The following TANC2 variants were observed in gnomAD, a reference collection of about 807,000 sequenced individuals.
TANC2 encodes the protein protein TANC2.
A neutral mutation model predicts 210.5 loss-of-function variants in TANC2; 26 were observed. The observed-to-expected ratio is 0.12, with a 90% confidence interval of 0.09 to 0.17. TANC2 has a LOEUF of 0.17. Ranked by LOEUF, TANC2 falls within the 10% of genes least tolerant of loss-of-function variation. TANC2 has a pLI of 1.00. For missense variants in TANC2, 2,129 were observed against 2,608.9 expected, an observed-to-expected ratio of 0.82 and a Z score of 4.01; for synonymous variants, 931 against 967.1, an observed-to-expected ratio of 0.96 and a Z score of 0.69.
chr17:63,344,497 A>G (rs2046337704), intron 12 of TANC2, among the ~76,000 whole-genome samples: 1 of 152,214 alleles, frequency 6.6e-6, no homozygotes, highest in Non-Finnish European at 1.5e-5. Flanking sequence ...AGGCTAGTAC[A>G]ATAAGAAAAT....
At chr17:63,143,421 T>C (rs975802203) in intron 4 of TANC2, among the ~76,000 whole-genome samples, 5 of 152,210 alleles carry the variant, frequency 3.3e-5, no homozygotes, top group African/African-American at 1.2e-4. Flanking sequence ...AATAGGAATG[T>C]CATAATTATT....
intron 12 of TANC2, among the ~76,000 whole-genome samples, chr17:63,345,639 A>T (rs568093873): frequency 1.4e-5 from 2 of 147,740 alleles, no homozygotes; most frequent in South Asian, 4.3e-4. Flanking sequence ...AAAAAAAAAA[A>T]CACATAATCC....
At position 63,238,020 on chromosome 17, in the gene TANC2, T is replaced by C. The variant is rs2042669987; in HGVS notation, c.976T>C (p.Ser326Pro). 1 of 1,559,816 alleles carries C rather than the reference T, an allele frequency of 6.4e-7. No homozygotes were observed. The highest frequency in any genetic ancestry group is 1.4e-5 in the African/African-American group (1 of 73,588). Reference sequence around the variant, plus strand: ...AGAGAGAAATTTGGAAACAGTGTTATCTCAATCAGTACAGTCTATTCCTTT... The same window carrying C: ...AGAGAGAAATTTGGAAACAGTGTTACCTCAATCAGTACAGTCTATTCCTTT... Residue 326 changes from serine (S) to proline (P), a missense_variant, in exon 8 of 28, where the codon TCT becomes CCT. Transcript: ENST00000689528.
intron 5 of TANC2, among the ~76,000 whole-genome samples, chr17:63,181,137 T>A (rs2040771624): frequency 6.6e-6 from 1 of 152,014 alleles, no homozygotes; most frequent in Non-Finnish European, 1.5e-5. Context: ...AGCCGCCTCT[T>A]CTTTCTGCTT....
intron 1 of TANC2, chr17:63,004,786 C>A: frequency 2.9e-6 from 1 of 349,326 alleles, no homozygotes. Flanking sequence ...GGGTTATTCC[C>A]CTTACCCGCT....
Position 63,314,512 on chromosome 17 carries a change from A to T in TANC2, c.1284A>T (p.Gln428His), listed in dbSNP as rs776036126. ...GGGTTTTCCACGAAATAGATGCTCA[A>T]CTTCAAAGTTCAAATGCCAGCGTGA... Residue 428 changes from glutamine to histidine, a missense_variant, in exon 10 of 28, where the codon CAA becomes CAT. Physicochemically the swap from Gln to His is conservative, Grantham distance 24. Coordinates refer to ENST00000689528, the Ensembl canonical transcript of TANC2. The T allele has an allele frequency of 3.1e-6, 5 of 1,613,932 alleles. No individual in the cohort carries two copies. In the East Asian group the frequency reaches 8.9e-5, roughly 29 times the overall value.
chr17:63,171,494 C>G (rs998922973), intron 5 of TANC2, among the ~76,000 whole-genome samples: 1 of 152,074 alleles, frequency 6.6e-6, no homozygotes, highest in Non-Finnish European at 1.5e-5. Context: ...GTAGGTGAAG[C>G]TGATGTTTAT....
At chr17:63,307,090 G>A (rs2044939201) in intron 9 of TANC2, among the ~76,000 whole-genome samples, 1 of 152,210 alleles carries the variant, frequency 6.6e-6, no homozygotes, top group Non-Finnish European at 1.5e-5. Context: ...AGTGATGTGA[G>A]ATGCCTGCAG....
chr17:63,327,660 C>G (rs1218950522), intron 11 of TANC2, among the ~76,000 whole-genome samples: 1 of 151,854 alleles, frequency 6.6e-6, no homozygotes, highest in African/African-American at 2.4e-5. Context: ...TTCACAATAG[C>G]AAAGCCATGG....
chr17:63,124,223 A>G (rs2038614296), intron 4 of TANC2, among the ~76,000 whole-genome samples: 1 of 152,072 alleles, frequency 6.6e-6, no homozygotes, highest in Non-Finnish European at 1.5e-5. Context: ...ACCTCTCTCT[A>G]ACTTCAGTAT....
chr17:63,028,402 A>G (rs941836321), intron 2 of TANC2, among the ~76,000 whole-genome samples: 9 of 152,152 alleles, frequency 5.9e-5, no homozygotes, highest in Non-Finnish European at 1.0e-4. Flanking sequence ...GTATGCCTCC[A>G]CAGGGAAATG....
intron 8 of TANC2, among the ~76,000 whole-genome samples, chr17:63,245,177 G>T (rs1214811631): frequency 6.6e-6 from 1 of 152,036 alleles, no homozygotes; most frequent in East Asian, 1.9e-4. Flanking sequence ...TCTGATGAGG[G>T]CTTTTTTCAC....
chr17:63,046,867 T>G (rs562445773), intron 2 of TANC2, among the ~76,000 whole-genome samples: 1 of 152,316 alleles, frequency 6.6e-6, no homozygotes, highest in African/African-American at 2.4e-5. Flanking sequence ...TTATTTGACT[T>G]TGTATTACTT....
intron 9 of TANC2, among the ~76,000 whole-genome samples, chr17:63,281,744 G>A (rs746514332): frequency 6.6e-6 from 1 of 151,926 alleles, no homozygotes; most frequent in Non-Finnish European, 1.5e-5. Context: ...ATGAGATCAC[G>A]CTAAATTAGG....
At chr17:63,047,877 G>A (rs909791576) in intron 2 of TANC2, among the ~76,000 whole-genome samples, 2 of 152,156 alleles carry the variant, frequency 1.3e-5, no homozygotes, top group Non-Finnish European at 2.9e-5. Context: ...CTGAAGAAAC[G>A]GGTAAATCTG....
chr17:63,155,161 C>A (rs934586976), intron 5 of TANC2: 16 of 151,924 alleles, frequency 1.1e-4, no homozygotes, highest in Non-Finnish European at 1.9e-4. Context: ...TAATTTTTTT[C>A]TCTTCCACCT....
intron 5 of TANC2, among the ~76,000 whole-genome samples, chr17:63,170,688 G>C (rs1331419332): frequency 6.6e-6 from 1 of 152,128 alleles, no homozygotes; most frequent in African/African-American, 2.4e-5. Flanking sequence ...TTTGGACACA[G>C]AATCCCCATT....
rs189275172 is a variant in TANC2, at chr17:63,011,003, T to C, written c.67+1377T>C. ...TGGTCATTGGTGATGAACTCAACCT[T>C]CAGCCCATCTCTCCTCTCTAGAAAT... On this transcript the variant is annotated intron_variant, in intron 2 of 27. Transcript: ENST00000689528. Among the ~76,000 whole-genome samples, 4 of 152,230 alleles carry C rather than the reference T, an allele frequency of 2.6e-5. No homozygotes were observed. In the East Asian group the frequency reaches 7.7e-4, roughly 29 times the overall value.
At chr17:63,331,986 A>G in intron 11 of TANC2, 1 of 287,826 alleles carries the variant, frequency 3.5e-6, no homozygotes, top group South Asian at 4.1e-5. Context: ...CTACATATTT[A>G]CTTCTTCAAG....
Sources: allele counts gnomAD v4.1 joint callset (sites outside exome capture counted in the v4.1 genomes callset), GRCh38; gene constraint gnomAD v4.1.1; transcripts MANE v1.5; gene names NCBI Gene and HGNC (gene_info 2026-07-23, HGNC 2026-07-21).